HSPBAP1: variants seen among roughly 807,000 people sequenced by gnomAD.
HSPBAP1 encodes the protein HSPB1 associated protein 1, also known as HSPB1-associated protein 1.
In HSPBAP1, 27 loss-of-function variants were observed where a neutral mutation model predicts 45.2. That is an observed-to-expected ratio of 0.60 (90% CI 0.44 to 0.82). The LOEUF is 0.82. Among genes scored for constraint, HSPBAP1 ranks in the 40% least tolerant of loss-of-function variants. HSPBAP1 has a pLI of 0.00. For synonymous variants in HSPBAP1, 204 were observed against 202.7 expected, an observed-to-expected ratio of 1.01 and a Z score of -0.06; for missense variants, 510 against 590.9, an observed-to-expected ratio of 0.86 and a Z score of 1.42.
intron 1 of HSPBAP1, among the ~76,000 whole-genome samples, chr3:122,779,182 C>G (rs963607903): frequency 6.6e-6 from 1 of 152,034 alleles, no homozygotes; most frequent in Non-Finnish European, 1.5e-5. Context: ...GCTGGGATTA[C>G]AGGCACCCGC....
intron 1 of HSPBAP1, among the ~76,000 whole-genome samples, chr3:122,778,599 G>T (rs1288978745): frequency 1.3e-5 from 2 of 149,844 alleles, no homozygotes; most frequent in African/African-American, 2.5e-5. Context: ...ATGCGATCTC[G>T]GCTCACTGCA....
intron 6 of HSPBAP1, among the ~76,000 whole-genome samples, chr3:122,749,859 C>T (rs575451433): frequency 1.2e-3 from 186 of 152,106 alleles, no homozygotes; most frequent in African/African-American, 4.2e-3. Context: ...ATCTGCCCGC[C>T]TCGGCCTCCC....
intron 4 of HSPBAP1, among the ~76,000 whole-genome samples, chr3:122,755,679 C>G (rs1370243337): frequency 1.3e-5 from 2 of 150,790 alleles, no homozygotes; most frequent in Non-Finnish European, 3.0e-5. Flanking sequence ...CATGAGGCAG[C>G]CTCTTACATT....
At chr3:122,785,764 A>C (rs1935632325) in intron 1 of HSPBAP1, among the ~76,000 whole-genome samples, 1 of 152,176 alleles carries the variant, frequency 6.6e-6, no homozygotes, top group Admixed American at 6.5e-5. Context: ...CTTCTTCCTT[A>C]CTAAAGAACT....
chr3:122,779,176 G>A (rs1935313586), intron 1 of HSPBAP1, among the ~76,000 whole-genome samples: 1 of 151,870 alleles, frequency 6.6e-6, no homozygotes, highest in African/African-American at 2.4e-5. Context: ...CGAGTAGCTG[G>A]GATTACAGGC....
At chr3:122,786,960 T>G (rs1034699563) in intron 1 of HSPBAP1, among the ~76,000 whole-genome samples, 9 of 152,216 alleles carry the variant, frequency 5.9e-5, no homozygotes, top group Non-Finnish European at 1.2e-4. Context: ...TACCCTGTAT[T>G]AGTTAAACAG....
In HSPBAP1 at chr3:122,751,745, G is replaced by A. The variant is rs376673435; in HGVS notation, c.825+846C>T. Among the ~76,000 whole-genome samples the A allele has an allele frequency of 3.9e-4, 60 of 152,240 alleles. 1 individual carries two copies. In the Middle Eastern group the frequency reaches 0.017, roughly 43 times the overall value. ...ATGCTATAGGCGAAATTTCTGTGAC[G>A]CTACTGATCTCCTGCCATACCTCTC... is the stretch of plus-strand genomic sequence containing the variant. On this transcript the variant is annotated intron_variant, in intron 6 of 7. Coordinates refer to ENST00000306103, the MANE Select transcript of HSPBAP1 (RefSeq NM_024610.6).
rs35729537 is a variant in HSPBAP1 at position 122,780,719 on chromosome 3, G to A, written c.65-2813C>T. On this transcript the variant is annotated intron_variant, in intron 1 of 7. Coordinates refer to ENST00000306103, the MANE Select transcript of HSPBAP1 (RefSeq NM_024610.6). The stretch of plus-strand genomic sequence containing the variant: ...CGGAGAGGCTCCTCACTTCCCAGAC[G>A]GGGTGGCTGCCGGGCGGAGGGGCTC... Among the ~76,000 whole-genome samples, 740 of 132,286 alleles carry A rather than the reference G, an allele frequency of 5.6e-3. 3 individuals are homozygous for A. Among genetic ancestry groups the A allele is most frequent in the African/African-American group, 0.011 (386 of 34,716 alleles). The allele number at this position is 132,286 out of a possible 152,430, so 86.8% of individuals were successfully genotyped here. A position where few individuals can be genotyped will look rare whatever the true frequency, so the allele number is the denominator to read the frequency against.
rs114717617 is a variant in HSPBAP1, at chr3:122,789,160, G to A, written c.64+4457C>T. On this transcript the variant is annotated intron_variant, in intron 1 of 7. Transcript: ENST00000306103. ...AGAACAAAAATGACATGGTGAGTAC[G>A]GGTCTCCAACTGAAAAAGATAAATC... Among the ~76,000 whole-genome samples, 567 of 152,178 alleles carry A rather than the reference G, an allele frequency of 3.7e-3. 3 individuals are homozygous for A. The highest frequency in any genetic ancestry group is 5.4e-3 in the Non-Finnish European group (365 of 68,000).
intron 1 of HSPBAP1, among the ~76,000 whole-genome samples, chr3:122,785,254 G>A (rs1935615545): frequency 6.6e-6 from 1 of 152,220 alleles, no homozygotes; most frequent in Admixed American, 6.5e-5. Flanking sequence ...TCATGGCAGG[G>A]AGTGCTAGTT....
intron 3 of HSPBAP1, among the ~76,000 whole-genome samples, chr3:122,768,464 A>C (rs368764021): frequency 2.0e-5 from 3 of 152,336 alleles, no homozygotes; most frequent in East Asian, 3.9e-4. Context: ...GTTTAAAAGC[A>C]AAGGAGGGTG....
intron 3 of HSPBAP1, among the ~76,000 whole-genome samples, chr3:122,763,383 T>C (rs143504622): frequency 0.032 from 4,929 of 152,294 alleles, 111 homozygotes; most frequent in Middle Eastern, 0.078. Context: ...TGTAGGTATA[T>C]GTAAAACTTA....
chr3:122,781,168 G>T (rs1221750541), intron 1 of HSPBAP1, among the ~76,000 whole-genome samples: 1 of 151,528 alleles, frequency 6.6e-6, no homozygotes, highest in African/African-American at 2.4e-5. Flanking sequence ...CCGGGCAGAG[G>T]CTGCAATCTC....
intron 6 of HSPBAP1, among the ~76,000 whole-genome samples, chr3:122,747,792 G>A (rs1393190735): frequency 2.0e-5 from 3 of 150,648 alleles, no homozygotes; most frequent in Admixed American, 6.6e-5. Context: ...CAGCCGCCCC[G>A]TCCGGGAGGT....
At chr3:122,778,408 T>C (rs1347198285) in intron 1 of HSPBAP1, among the ~76,000 whole-genome samples, 3 of 152,002 alleles carry the variant, frequency 2.0e-5, no homozygotes, top group Non-Finnish European at 2.9e-5. Context: ...AAACAACCAC[T>C]GTTGCATTTC....
chr3:122,743,132 A>C (rs1933725702), intron 6 of HSPBAP1, among the ~76,000 whole-genome samples: 1 of 152,238 alleles, frequency 6.6e-6, no homozygotes, highest in Non-Finnish European at 1.5e-5. Flanking sequence ...AGCATGCATC[A>C]GTATTTCATT....
In HSPBAP1 at chr3:122,755,395, A is replaced by G; in HGVS notation, c.606T>C (p.Pro202=). Residue 202 remains proline (P), a synonymous_variant, in exon 5 of 8, where the codon CCT becomes CCC. Coordinates refer to ENST00000306103, the MANE Select transcript of HSPBAP1 (RefSeq NM_024610.6). ...AAGGGATTCTAGTTGGATAAAGGAAAGGAGTATCTTCAGGAGGAAAGAGAT... is the reference window on the plus strand; with the variant it reads ...AAGGGATTCTAGTTGGATAAAGGAAGGGAGTATCTTCAGGAGGAAAGAGAT... ...RWHLFPPEDT[P]FLYPTRIPYE... The G allele has an allele frequency of 6.4e-7, 1 of 1,574,464 alleles. No individual in the cohort carries two copies. The highest frequency in any genetic ancestry group is 8.6e-7 in the Non-Finnish European group (1 of 1,160,848).
At chr3:122,748,244 C>T (rs75970625) in intron 6 of HSPBAP1, among the ~76,000 whole-genome samples, 4 of 152,250 alleles carry the variant, frequency 2.6e-5, no homozygotes, top group South Asian at 2.1e-4. Flanking sequence ...ACAAACACTG[C>T]GGAAGGCCGC....
intron 6 of HSPBAP1, among the ~76,000 whole-genome samples, chr3:122,751,491 C>A (rs901016569): frequency 3.9e-5 from 6 of 152,050 alleles, no homozygotes; most frequent in Admixed American, 6.6e-5. Flanking sequence ...ATAAAAACAC[C>A]CCATTAAAGA....
Sources: gnomAD v4.1 joint callset for allele counts (sites outside exome capture counted in the v4.1 genomes callset) on GRCh38, gnomAD v4.1.1 for gene constraint, MANE v1.5 for transcripts, NCBI Gene and HGNC (gene_info 2026-07-23, HGNC 2026-07-21) for gene names.